The following KLF8 variants were observed in gnomAD, a reference collection of about 807,000 sequenced individuals.
The protein encoded by KLF8 is Krueppel-like factor 8.
A neutral mutation model predicts 18.2 loss-of-function variants in KLF8; 10 were observed. The ratio of observed to expected loss-of-function variants is 0.55; its 90% CI spans 0.34 to 0.93. KLF8 has a LOEUF of 0.93. Ranked by LOEUF, KLF8 falls within the 40% of genes least tolerant of loss-of-function variation. KLF8 has a pLI of 0.02. For synonymous variants in KLF8, 109 were observed against 97.3 expected (o/e 1.12, Z -0.71); for missense variants, 264 against 277.9 (o/e 0.95, Z 0.36).
At chrX:56,058,259 CAT>C in the KLF8 span, among the ~76,000 whole-genome samples, 1 of 17,711 alleles carries the variant, frequency 5.6e-5, no homozygotes, top group Non-Finnish European at 8.5e-5. Flanking sequence ...TATATATACA[CAT>C]ATATATACAT....
At chrX:56,075,361 T>A in the KLF8 span, among the ~76,000 whole-genome samples, 1 of 111,315 alleles carries the variant, frequency 9.0e-6, no homozygotes, top group Non-Finnish European at 1.9e-5. Flanking sequence ...AGTAGCTTTT[T>A]AAATTTTTTT....
the KLF8 span, among the ~76,000 whole-genome samples, chrX:56,073,407 A>G: frequency 6.2e-5 from 7 of 112,047 alleles, no homozygotes; most frequent in Non-Finnish European, 1.3e-4. Context: ...TTCTGCTGAC[A>G]GATTTGCGTT....
chrX:56,243,319 C>T, intron 1 of KLF8: 1 of 350,755 alleles, frequency 2.9e-6, no homozygotes, highest in South Asian at 3.3e-5. Context: ...TTGTGGACAC[C>T]TTTCAACACT....
the KLF8 span, among the ~76,000 whole-genome samples, chrX:55,920,216 G>C: frequency 1.8e-5 from 2 of 111,712 alleles, no homozygotes; most frequent in African/African-American, 6.5e-5. Flanking sequence ...CCTAGGGGAA[G>C]GGGGAAAACA....
chrX:55,971,641 T>C, the KLF8 span, among the ~76,000 whole-genome samples: 1 of 110,180 alleles, frequency 9.1e-6, no homozygotes, highest in Non-Finnish European at 1.9e-5. Context: ...TGAGATAAAA[T>C]ATTTGCAAAC....
chrX:56,167,299 T>G, the KLF8 span, among the ~76,000 whole-genome samples: 1 of 110,907 alleles, frequency 9.0e-6, no homozygotes, highest in Non-Finnish European at 1.9e-5. Context: ...CCCAGCTACC[T>G]TTTGTATTTT....
At chrX:56,239,902 T>C (rs949363848) in intron 1 of KLF8, among the ~76,000 whole-genome samples, 2 of 111,953 alleles carry the variant, frequency 1.8e-5, no homozygotes, top group African/African-American at 6.5e-5. Flanking sequence ...TGAAATATTG[T>C]ACATCACAAA....
chrX:56,246,848 T>C (rs1364795153), intron 1 of KLF8, among the ~76,000 whole-genome samples: 1 of 110,863 alleles, frequency 9.0e-6, no homozygotes, highest in Non-Finnish European at 1.9e-5. Flanking sequence ...ATTAGAAATA[T>C]AAGAGGTGGA....
the KLF8 span, among the ~76,000 whole-genome samples, chrX:55,987,844 G>A: frequency 1.3e-4 from 15 of 111,415 alleles, no homozygotes; most frequent in South Asian, 3.8e-4. Context: ...CTATTTCTCC[G>A]CATCCTCTCC....
the KLF8 span, among the ~76,000 whole-genome samples, chrX:55,984,790 G>T: frequency 9.1e-6 from 1 of 110,489 alleles, no homozygotes; most frequent in Non-Finnish European, 1.9e-5. Context: ...AGTATCTGTT[G>T]TTTCTTGACT....
chrX:56,060,728 T>G, the KLF8 span, among the ~76,000 whole-genome samples: 1 of 111,220 alleles, frequency 9.0e-6, no homozygotes, highest in Non-Finnish European at 1.9e-5. Flanking sequence ...TAGGGAGGAG[T>G]TCCTGTTTTT....
chrX:56,146,502 A>G, the KLF8 span, among the ~76,000 whole-genome samples: 2 of 111,247 alleles, frequency 1.8e-5, no homozygotes, highest in South Asian at 7.7e-4. Flanking sequence ...CATAAGGGGT[A>G]GTTGAACAAT....
chrX:55,911,469 C>G, the KLF8 span, among the ~76,000 whole-genome samples: 1 of 112,452 alleles, frequency 8.9e-6, no homozygotes, highest in Non-Finnish European at 1.9e-5. Context: ...CACTCTTTGT[C>G]AAGAAATTGT....
chrX:56,175,755 G>A, the KLF8 span, among the ~76,000 whole-genome samples: 37 of 111,408 alleles, frequency 3.3e-4, no homozygotes, highest in East Asian at 0.01. Flanking sequence ...AGGTCTCTAA[G>A]GAGTTGCTTT....
the KLF8 span, among the ~76,000 whole-genome samples, chrX:56,184,054 C>A: frequency 1.8e-5 from 2 of 112,123 alleles, no homozygotes; most frequent in Non-Finnish European, 3.8e-5. Context: ...ATGCACGAGT[C>A]GAAGCAGAGT....
At chrX:56,166,575 T>A in the KLF8 span, among the ~76,000 whole-genome samples, 3 of 112,473 alleles carry the variant, frequency 2.7e-5, no homozygotes, top group African/African-American at 9.7e-5. Context: ...ATTTGTGCTA[T>A]AAATCCTGCT....
the KLF8 span, among the ~76,000 whole-genome samples, chrX:56,100,477 C>G: frequency 2.7e-5 from 3 of 111,606 alleles, no homozygotes; most frequent in Non-Finnish European, 5.7e-5. Flanking sequence ...TTTTGTAAGA[C>G]AGCAGTTGCC....
the KLF8 span, among the ~76,000 whole-genome samples, chrX:56,189,929 G>T: frequency 9.6e-6 from 1 of 104,192 alleles, no homozygotes; most frequent in Non-Finnish European, 2.0e-5. Flanking sequence ...TAAATGACGA[G>T]TTAATGGGTG....
the KLF8 span, among the ~76,000 whole-genome samples, chrX:56,070,186 G>C: frequency 1.8e-5 from 2 of 111,079 alleles, no homozygotes; most frequent in East Asian, 2.9e-4. Flanking sequence ...TCACTCATTA[G>C]TGGGAGTTGA....
Sources: allele counts gnomAD v4.1 joint callset (sites outside exome capture counted in the v4.1 genomes callset), GRCh38; gene constraint gnomAD v4.1.1; transcripts MANE v1.5; gene names NCBI Gene and HGNC (gene_info 2026-07-23, HGNC 2026-07-21).